Variants in WASF2 observed in about 807,000 individuals in gnomAD.
The protein encoded by WASF2 is actin-binding protein WASF2.
A neutral mutation model predicts 45.0 loss-of-function variants in WASF2; 14 were observed. That is an observed-to-expected ratio of 0.31 (90% CI 0.21 to 0.49). The LOEUF (loss-of-function observed/expected upper bound fraction) is 0.49, where lower values mean the gene tolerates loss of function less well. Among genes scored for constraint, WASF2 ranks in the 20% least tolerant of loss-of-function variants. WASF2 has a pLI of 0.99. For synonymous variants in WASF2, 200 were observed against 236.3 expected (o/e 0.85, Z 1.41); for missense variants, 439 against 636.1 (o/e 0.69, Z 3.33).
chr1:27,426,826 C>T (rs769848090), intron 2 of WASF2, among the ~76,000 whole-genome samples: 1 of 152,054 alleles, frequency 6.6e-6, no homozygotes, highest in Non-Finnish European at 1.5e-5. Context: ...CCTTATTTTT[C>T]TGAGCCTTAT....
At chr1:27,409,428 C>CAAAAAAAAAAAA (rs60940665) in intron 8 of WASF2, among the ~76,000 whole-genome samples, 53 of 43,670 alleles carry the variant, frequency 1.2e-3, no homozygotes, top group Non-Finnish European at 1.8e-3. Flanking sequence ...CTGTCCCCCA[C>CAAAAAAAAAAAA]AAAAAAAAAA....
At chr1:27,489,799 C>T (rs1243559250) in intron 1 of WASF2, among the ~76,000 whole-genome samples, 187 bp downstream of exon 1, 1 of 152,200 alleles carries the variant, frequency 6.6e-6, no homozygotes, top group African/African-American at 2.4e-5. Context: ...CGGGTCACTC[C>T]CTCCCTCCCT....
intron 1 of WASF2, among the ~76,000 whole-genome samples, chr1:27,476,646 T>C (rs930111151): frequency 2.6e-5 from 4 of 151,980 alleles, no homozygotes; most frequent in African/African-American, 9.7e-5. Flanking sequence ...AGACTATTTT[T>C]CCCCCAGAGA....
intron 1 of WASF2, among the ~76,000 whole-genome samples, chr1:27,464,917 C>T (rs2017594448): frequency 6.6e-6 from 1 of 152,166 alleles, no homozygotes; most frequent in Admixed American, 6.5e-5. Flanking sequence ...TTAGTAGAGA[C>T]AGGGTTTCAC....
intron 2 of WASF2, among the ~76,000 whole-genome samples, chr1:27,419,745 A>G (rs1405801406): frequency 6.6e-6 from 1 of 152,222 alleles, no homozygotes; most frequent in African/African-American, 2.4e-5. Context: ...AACATGAAAA[A>G]TAGGAAATTA....
At chr1:27,427,629 T>C (rs1180893247) in intron 2 of WASF2, among the ~76,000 whole-genome samples, 2 of 152,148 alleles carry the variant, frequency 1.3e-5, no homozygotes, top group African/African-American at 2.4e-5. Flanking sequence ...ATCCCTGAGG[T>C]AGGTGAAGGC....
At chr1:27,465,190 G>A (rs2017598195) in intron 1 of WASF2, among the ~76,000 whole-genome samples, 1 of 152,038 alleles carries the variant, frequency 6.6e-6, no homozygotes, top group Admixed American at 6.6e-5. Context: ...TATTAATATA[G>A]ACTCCACACA....
intron 1 of WASF2, chr1:27,459,626 A>G (rs1337994931): frequency 6.6e-6 from 1 of 152,238 alleles, no homozygotes; most frequent in Non-Finnish European, 1.5e-5. Flanking sequence ...CTATAAAAGT[A>G]CATCTCATAA....
intron 1 of WASF2, among the ~76,000 whole-genome samples, chr1:27,435,314 A>G (rs2017122066): frequency 6.6e-6 from 1 of 152,156 alleles, no homozygotes; most frequent in Non-Finnish European, 1.5e-5. Flanking sequence ...GGCCAGGCAC[A>G]GTAGCTCGCA....
At position 27,410,858 on chromosome 1, in the gene WASF2, A is replaced by G. The variant is rs2016752585; in HGVS notation, c.825-652T>C. ...GAATGTGCCACCAGACTCCTGACCC[A>G]GGCCTGAAAGAGGATTAAAGCTACA... On this transcript the variant is annotated intron_variant, in intron 7 of 8. Coordinates refer to ENST00000618852, the MANE Select transcript of WASF2 (RefSeq NM_006990.5). This position sits in a 1 kb window ranked among gnomAD's most constrained non-coding sequence, Gnocchi z 4.2. Among the ~76,000 whole-genome samples the G allele has an allele frequency of 6.6e-6, 1 of 152,202 alleles. No homozygotes were observed. The highest frequency in any genetic ancestry group is 1.5e-5 in the Non-Finnish European group (1 of 68,042).
chr1:27,470,173 C>T (rs1291785706), intron 1 of WASF2, among the ~76,000 whole-genome samples: 4 of 152,172 alleles, frequency 2.6e-5, no homozygotes, highest in South Asian at 2.1e-4. Context: ...CGCATTATTG[C>T]GCCTGTAGTG....
chr1:27,476,698 C>T (rs1413207149), intron 1 of WASF2, among the ~76,000 whole-genome samples: 2 of 152,088 alleles, frequency 1.3e-5, no homozygotes, highest in Middle Eastern at 3.2e-3. Flanking sequence ...GACACAGTCC[C>T]TTCTCTAAAG....
chr1:27,446,053 C>T (rs1455963938), intron 1 of WASF2, among the ~76,000 whole-genome samples: 2 of 151,874 alleles, frequency 1.3e-5, no homozygotes, highest in Non-Finnish European at 2.9e-5. Context: ...ATAGGAAATA[C>T]TGAAAAGATA....
intron 1 of WASF2, among the ~76,000 whole-genome samples, chr1:27,448,407 CA>C (rs1020907819): frequency 2.6e-5 from 4 of 152,194 alleles, no homozygotes; most frequent in African/African-American, 9.6e-5. Flanking sequence ...AAGAGAGTTC[CA>C]AATTTGGGTA....
At chr1:27,457,369 A>C (rs757497164) in intron 1 of WASF2, 1 of 151,904 alleles carries the variant, frequency 6.6e-6, no homozygotes, top group Non-Finnish European at 1.5e-5. Context: ...TGAGCTCAGG[A>C]GTTCAAGACC....
intron 1 of WASF2, among the ~76,000 whole-genome samples, chr1:27,487,579 ATT>A (rs1459454019): frequency 3.0e-5 from 3 of 98,970 alleles, no homozygotes; most frequent in African/African-American, 9.0e-5. Context: ...TATAATATAT[ATT>A]ATATATATTT....
At chr1:27,488,769 T>C (rs1463693409) in intron 1 of WASF2, among the ~76,000 whole-genome samples, 1 of 152,198 alleles carries the variant, frequency 6.6e-6, no homozygotes, top group East Asian at 1.9e-4. Context: ...CAAACTTCCC[T>C]AACACTATCT....
intron 1 of WASF2, among the ~76,000 whole-genome samples, chr1:27,473,455 C>CAAAAAAAAA (rs752426888): frequency 2.0e-5 from 1 of 49,756 alleles, no homozygotes. Context: ...ACTCCATGGC[C>CAAAAAAAAA]AAAAAAAAAA....
chr1:27,487,357 C>A (rs1363778109), intron 1 of WASF2, among the ~76,000 whole-genome samples: 1 of 140,094 alleles, frequency 7.1e-6, no homozygotes, highest in Non-Finnish European at 1.5e-5. Flanking sequence ...CCTCGGCCTC[C>A]CAGAGTGCTG....
Sources: gnomAD v4.1 joint callset for allele counts (sites outside exome capture counted in the v4.1 genomes callset) on GRCh38, gnomAD v4.1.1 for gene constraint, Gnocchi (gnomAD v3.1) non-coding constraint, MANE v1.5 for transcripts, NCBI Gene and HGNC (gene_info 2026-07-23, HGNC 2026-07-21) for gene names.